The following CFAP77 variants were observed in gnomAD, a reference collection of about 807,000 sequenced individuals.
The protein encoded by CFAP77 is cilia- and flagella-associated protein 77.
Under a neutral mutation model 31.1 loss-of-function variants are expected in CFAP77, and 25 were observed. That is an observed-to-expected ratio of 0.80 (90% CI 0.59 to 1.12). The LOEUF is 1.12. CFAP77 is among the 50% of genes most tolerant of loss of function. The pLI is 0.00. For synonymous variants in CFAP77, 151 were observed against 159.9 expected (o/e 0.94, Z 0.42); for missense variants, 377 against 397.3 (o/e 0.95, Z 0.44).
At chr9:132,563,522 G>A (rs1191096368) in intron 5 of CFAP77, among the ~76,000 whole-genome samples, 1 of 152,192 alleles carries the variant, frequency 6.6e-6, no homozygotes, top group Non-Finnish European at 1.5e-5. Context: ...CTTCATCCGA[G>A]CAGGCCCCAC....
At position 132,517,225 on chromosome 9, in the gene CFAP77, TC is replaced by T. The variant is rs199734720; in HGVS notation, c.524+17627del. ...TCAGGCCCAGCCTCAGAGGCCACCATCCGCCCCTCCGTCCCTTCTCAGCTGC... is the reference window on the plus strand; with the variant it reads ...TCAGGCCCAGCCTCAGAGGCCACCATCGCCCCTCCGTCCCTTCTCAGCTGC... On this transcript the variant is annotated intron_variant, in intron 3 of 5. Transcript: ENST00000393216. The surrounding 1 kb of genome is among the most constrained non-coding windows in gnomAD (Gnocchi z 4.7). Among the ~76,000 whole-genome samples, 128 of 152,186 alleles carry T rather than the reference TC, an allele frequency of 8.4e-4. 3 individuals carry two copies. The East Asian group carries it at 0.022, about 26-fold the overall frequency.
intron 1 of CFAP77, among the ~76,000 whole-genome samples, chr9:132,443,618 C>T (rs1484158954): frequency 4.6e-5 from 7 of 152,116 alleles, no homozygotes; most frequent in East Asian, 1.9e-4. Context: ...TCTTGGTAAA[C>T]GGCCCTTCGT....
chr9:132,550,787 T>C (rs1030393921), intron 5 of CFAP77, among the ~76,000 whole-genome samples: 5 of 151,836 alleles, frequency 3.3e-5, no homozygotes, highest in Admixed American at 2.0e-4. Context: ...CCCAGCGAGG[T>C]TGGTGGGGTG....
intron 1 of CFAP77, among the ~76,000 whole-genome samples, chr9:132,450,120 C>T (rs1048382493): frequency 4.6e-5 from 7 of 151,412 alleles, no homozygotes; most frequent in African/African-American, 1.5e-4. Context: ...TTAGTAGAGA[C>T]GGGGTTTCAT....
intron 1 of CFAP77, 91 bp downstream of exon 1, chr9:132,410,557 C>G: frequency 8.7e-7 from 1 of 1,155,456 alleles, no homozygotes; most frequent in Non-Finnish European, 1.2e-6. Flanking sequence ...CCTGGCCCCG[C>G]GGCCCGGGGT....
In CFAP77 at chr9:132,499,949, G is replaced by A. The variant is rs1197282139; in HGVS notation, c.524+349G>A. ...GAGGATCGCTTGAGTCCAGGAATTC[G>A]AGGCCAGGCTGGTCAACGTGGCAAA... On this transcript the variant is annotated intron_variant, in intron 3 of 5. Transcript: ENST00000393216. The surrounding 1 kb of genome is among the most constrained non-coding windows in gnomAD (Gnocchi z 5.4). Among the ~76,000 whole-genome samples the A allele has an allele frequency of 1.3e-5, 2 of 152,056 alleles. No individual in the cohort carries two copies. Among genetic ancestry groups the A allele is most frequent in the Non-Finnish European group, 2.9e-5 (2 of 68,002 alleles).
intron 1 of CFAP77, among the ~76,000 whole-genome samples, chr9:132,486,094 T>TATTTTATTTTTA (rs761131170): frequency 1.3e-5 from 1 of 75,494 alleles, no homozygotes; most frequent in African/African-American, 8.6e-5. Flanking sequence ...ATATATATTT[T>TATTTTATTTTTA]TTTTTTTTTT....
At position 132,410,238 on chromosome 9, in the gene CFAP77, C is replaced by T. The variant is rs778967706; in HGVS notation, c.-34C>T. ...CCGACGTGGGGAAGCGCGCCCAAAC[C>T]AGCCCGCGGGCCGGCTCCCCGGCGA... On this transcript the variant is annotated 5_prime_UTR_variant, in exon 1 of 6. Transcript: ENST00000393216. 4.6e-6 allele frequency: 7 copies of T among 1,523,816 alleles called. No individual in the cohort carries two copies. 94.4% of individuals were successfully genotyped at this position (1,523,816 alleles called of 1,614,324 possible).
chr9:132,456,676 A>G (rs888791020), intron 1 of CFAP77, among the ~76,000 whole-genome samples: 1 of 152,118 alleles, frequency 6.6e-6, no homozygotes, highest in Non-Finnish European at 1.5e-5. Context: ...ACAGCATCTC[A>G]AAGAAACCAT....
At chr9:132,518,626 G>A (rs1045779351) in intron 3 of CFAP77, among the ~76,000 whole-genome samples, 2 of 152,190 alleles carry the variant, frequency 1.3e-5, no homozygotes, top group African/African-American at 4.8e-5. Flanking sequence ...GAGGCATTTG[G>A]AATCGCTCTT....
In CFAP77 at chr9:132,481,755, G is replaced by A. The variant is rs530883913; in HGVS notation, c.196-16940G>A. ...TATTAACAGGCTTCGTTTTAGGGAC[G>A]CCTCCTCCGCCTCAGCTATCTGCTA... On this transcript the variant is annotated intron_variant, in intron 1 of 5. Coordinates refer to ENST00000393216, the MANE Select transcript of CFAP77 (RefSeq NM_001282957.2). The surrounding 1 kb of genome is among the most constrained non-coding windows in gnomAD (Gnocchi z 5.0). Among the ~76,000 whole-genome samples the A allele has an allele frequency of 2.8e-4, 42 of 152,286 alleles. No individual in the cohort carries two copies. The East Asian group carries it at 2.9e-3, about 10-fold the overall frequency.
intron 3 of CFAP77, among the ~76,000 whole-genome samples, chr9:132,529,602 G>A (rs1299466565): frequency 2.0e-5 from 3 of 151,516 alleles, no homozygotes; most frequent in Non-Finnish European, 4.4e-5. Flanking sequence ...CGAGGCGGAC[G>A]GATCACGAGG....
At chr9:132,514,795 T>C (rs1172109110) in intron 3 of CFAP77, among the ~76,000 whole-genome samples, 1 of 152,186 alleles carries the variant, frequency 6.6e-6, no homozygotes, top group African/African-American at 2.4e-5. Flanking sequence ...TCCTCTTCTC[T>C]AATTAGTTCT....
At position 132,511,200 on chromosome 9, in the gene CFAP77, G is replaced by A. The variant is rs1282274562; in HGVS notation, c.524+11600G>A. 6.6e-6 allele frequency among the ~76,000 whole-genome samples: 1 copy of A among 152,142 alleles called. No homozygotes were observed. The highest frequency in any genetic ancestry group is 1.5e-5 in the Non-Finnish European group (1 of 68,012). Reference sequence around the variant, plus strand: ...AGAGGACCCAGGAGAGAGGGCACAAGGGTACCTTCGGGTCTGCTGAGACTT... The same window carrying A: ...AGAGGACCCAGGAGAGAGGGCACAAAGGTACCTTCGGGTCTGCTGAGACTT... On this transcript the variant is annotated intron_variant, in intron 3 of 5. Transcript: ENST00000393216. This position sits in a 1 kb window ranked among gnomAD's most constrained non-coding sequence, Gnocchi z 5.8.
At chr9:132,531,035 T>C (rs530841204) in intron 3 of CFAP77, among the ~76,000 whole-genome samples, 1 of 152,354 alleles carries the variant, frequency 6.6e-6, no homozygotes, top group South Asian at 2.1e-4. Context: ...GCACCATTTG[T>C]TGAAAAGACT....
chr9:132,509,050 TGGC>T (rs1851985832), intron 3 of CFAP77, among the ~76,000 whole-genome samples: 1 of 152,198 alleles, frequency 6.6e-6, no homozygotes. Context: ...AGCAGCGAGA[TGGC>T]GGCTACGAAC....
chr9:132,566,152 G>A (rs902451156), intron 5 of CFAP77, among the ~76,000 whole-genome samples: 1 of 152,204 alleles, frequency 6.6e-6, no homozygotes, highest in African/African-American at 2.4e-5. Context: ...GGCTCCTCAT[G>A]TGTGGCTGGG....
intron 3 of CFAP77, among the ~76,000 whole-genome samples, chr9:132,518,726 C>G (rs961031619): frequency 6.6e-6 from 1 of 152,202 alleles, no homozygotes; most frequent in Non-Finnish European, 1.5e-5. Context: ...GCCCGGCCAC[C>G]TTCCACCCAT....
intron 1 of CFAP77, among the ~76,000 whole-genome samples, chr9:132,427,269 G>T (rs925798172): frequency 6.6e-6 from 1 of 152,102 alleles, no homozygotes; most frequent in South Asian, 2.1e-4. Flanking sequence ...GCCCATTCAC[G>T]GCTTCCTTCT....
Sources: allele counts gnomAD v4.1 joint callset (sites outside exome capture counted in the v4.1 genomes callset), GRCh38; gene constraint gnomAD v4.1.1; non-coding constraint Gnocchi (gnomAD v3.1); transcripts MANE v1.5; gene names NCBI Gene and HGNC (gene_info 2026-07-23, HGNC 2026-07-21).